GSK3B: variants seen among roughly 807,000 people sequenced by gnomAD.
GSK3B encodes glycogen synthase kinase-3 beta.
GSK3B carries 15 observed loss-of-function variants against 56.4 expected under a neutral mutation model. The observed-to-expected ratio is 0.27, with a 90% CI of 0.18 to 0.41. The LOEUF (loss-of-function observed/expected upper bound fraction) is 0.41, where lower values mean the gene tolerates loss of function less well. GSK3B is among the 10% of genes least tolerant of loss of function. GSK3B has a pLI of 1.00. For synonymous variants in GSK3B, 181 were observed against 188.9 expected, an observed-to-expected ratio of 0.96 and a Z score of 0.34; for missense variants, 300 against 513.4, an observed-to-expected ratio of 0.58 and a Z score of 4.02.
At chr3:119,860,828 A>C (rs144332177) in intron 9 of GSK3B, among the ~76,000 whole-genome samples, 173 of 152,330 alleles carry the variant, frequency 1.1e-3, no homozygotes, top group Middle Eastern at 6.8e-3. Flanking sequence ...TCAAACATTC[A>C]CTGAGCACCT....
At chr3:119,948,144 A>C (rs2057118465) in intron 2 of GSK3B, among the ~76,000 whole-genome samples, 1 of 152,170 alleles carries the variant, frequency 6.6e-6, no homozygotes. Flanking sequence ...CATAACACAC[A>C]GAAGCAATAC....
intron 7 of GSK3B, among the ~76,000 whole-genome samples, chr3:119,889,465 T>C (rs1240880206): frequency 6.6e-6 from 1 of 152,178 alleles, no homozygotes; most frequent in Admixed American, 6.6e-5. Flanking sequence ...TTGTTTTCTA[T>C]ATGACATGGT....
intron 7 of GSK3B, among the ~76,000 whole-genome samples, chr3:119,884,525 A>C (rs2056413583): frequency 6.6e-6 from 1 of 152,138 alleles, no homozygotes; most frequent in Non-Finnish European, 1.5e-5. Context: ...ACATGTGAAA[A>C]ACCTAAGGCT....
Position 119,821,805 on chromosome 3 carries a change from G to A in GSK3B, c.*4983C>T, listed in dbSNP as rs1189753579. 2 of 165,422 alleles carry A rather than the reference G, an allele frequency of 1.2e-5. No homozygotes were observed. Among genetic ancestry groups the A allele is most frequent in the African/African-American group, 4.8e-5 (2 of 41,934 alleles). 10.2% of individuals were successfully genotyped at this position (165,422 alleles called of 1,614,324 possible). On this transcript the variant is annotated 3_prime_UTR_variant, in exon 11 of 11. Transcript: ENST00000264235. ...AAAATCATTGGAAAGAACAAGAAGT[G>A]GTATTGATATCTTGTTCTGTATAAC... is the stretch of plus-strand genomic sequence containing the variant.
Position 120,093,492 on chromosome 3 carries a change from T to G in GSK3B, c.-58A>C. On this transcript the variant is annotated 5_prime_UTR_variant, in exon 1 of 11. Coordinates refer to ENST00000264235, the MANE Select transcript of GSK3B (RefSeq NM_001146156.2). ...CTTCCTCCTTTTCTTCCTTTTGTCT[T>G]TATGTTGGGGTGTTAGGTTAACGAT... 8.8e-7 allele frequency: 1 copy of G among 1,139,964 alleles called. No individual in the cohort carries two copies. The highest frequency in any genetic ancestry group is 1.3e-6 in the Non-Finnish European group (1 of 749,376). 70.6% of individuals were successfully genotyped at this position (1,139,964 alleles called of 1,614,324 possible). A position where few individuals can be genotyped will look rare whatever the true frequency, so the allele number is the denominator to read the frequency against.
intron 1 of GSK3B, among the ~76,000 whole-genome samples, chr3:120,087,835 TAAGCAAAA>T (rs2058478013): frequency 1.3e-5 from 2 of 151,858 alleles, no homozygotes; most frequent in East Asian, 1.9e-4. Flanking sequence ...TCCCAAAATA[TAAGCAAAA>T]ATGGTAAGGG....
intron 2 of GSK3B, among the ~76,000 whole-genome samples, chr3:119,962,620 T>C (rs2057283098): frequency 6.6e-6 from 1 of 151,264 alleles, no homozygotes; most frequent in Non-Finnish European, 1.5e-5. Context: ...ATGAAATAGG[T>C]AGAAAATCCT....
At chr3:120,070,862 G>A (rs1229569108) in intron 1 of GSK3B, among the ~76,000 whole-genome samples, 5 of 152,108 alleles carry the variant, frequency 3.3e-5, no homozygotes, top group East Asian at 3.9e-4. Flanking sequence ...CTTAGGAATC[G>A]GCAAGATTAG....
intron 1 of GSK3B, among the ~76,000 whole-genome samples, chr3:120,054,767 CA>C (rs1174439328): frequency 6.6e-6 from 1 of 152,174 alleles, no homozygotes; most frequent in East Asian, 1.9e-4. Flanking sequence ...CACAAATCTC[CA>C]CCCTAGGCCC....
chr3:119,898,914 GTAC>G (rs2056599008), intron 7 of GSK3B, among the ~76,000 whole-genome samples: 1 of 152,056 alleles, frequency 6.6e-6, no homozygotes, highest in South Asian at 2.1e-4. Flanking sequence ...ATATTTTCTT[GTAC>G]TACACTTATC....
intron 2 of GSK3B, among the ~76,000 whole-genome samples, chr3:119,970,706 G>C (rs914560844): frequency 6.6e-6 from 1 of 151,586 alleles, no homozygotes; most frequent in Non-Finnish European, 1.5e-5. Context: ...AGAATCGCTT[G>C]AATCTGGGAG....
At chr3:120,070,042 G>A (rs367974105) in intron 1 of GSK3B, among the ~76,000 whole-genome samples, 1 of 151,800 alleles carries the variant, frequency 6.6e-6, no homozygotes, top group Non-Finnish European at 1.5e-5. Flanking sequence ...GCGAAACCCC[G>A]TCTATACTAA....
intron 1 of GSK3B, among the ~76,000 whole-genome samples, chr3:120,086,422 A>G (rs2058463756): frequency 6.6e-6 from 1 of 152,174 alleles, no homozygotes; most frequent in Non-Finnish European, 1.5e-5. Context: ...GTGATCAACA[A>G]ATTACAGATA....
At chr3:120,046,215 C>A (rs914140325) in intron 1 of GSK3B, among the ~76,000 whole-genome samples, 2 of 152,002 alleles carry the variant, frequency 1.3e-5, no homozygotes. Context: ...TTTGTCAATA[C>A]CCACAGAACT....
At chr3:120,039,570 A>C (rs2058049286) in intron 1 of GSK3B, among the ~76,000 whole-genome samples, 1 of 152,040 alleles carries the variant, frequency 6.6e-6, no homozygotes, top group Admixed American at 6.6e-5. Flanking sequence ...CTCTGCACCC[A>C]TTCCACCCAT....
intron 2 of GSK3B, among the ~76,000 whole-genome samples, chr3:120,001,361 G>A (rs990804017): frequency 2.0e-5 from 3 of 152,004 alleles, no homozygotes; most frequent in Admixed American, 6.6e-5. Context: ...GCAAAACCCC[G>A]TTTCTACAAA....
chr3:120,044,956 T>C (rs2058091247), intron 1 of GSK3B, among the ~76,000 whole-genome samples: 1 of 152,256 alleles, frequency 6.6e-6, no homozygotes, highest in Admixed American at 6.5e-5. Flanking sequence ...TTTTTCAAGA[T>C]GGCTAAAAAG....
intron 3 of GSK3B, among the ~76,000 whole-genome samples, chr3:119,943,359 A>G (rs2057068689): frequency 6.6e-6 from 1 of 152,210 alleles, no homozygotes; most frequent in African/African-American, 2.4e-5. Context: ...TAGATAAAAT[A>G]TTATATAGTA....
intron 2 of GSK3B, among the ~76,000 whole-genome samples, chr3:119,967,680 T>C (rs76668342): frequency 0.016 from 2,436 of 152,292 alleles, 63 homozygotes; most frequent in African/African-American, 0.055. Flanking sequence ...TTTGGACAAC[T>C]GGATATTCAG....
Sources: allele counts gnomAD v4.1 joint callset (sites outside exome capture counted in the v4.1 genomes callset), GRCh38; gene constraint gnomAD v4.1.1; transcripts MANE v1.5; gene names NCBI Gene and HGNC (gene_info 2026-07-23, HGNC 2026-07-21).